STARD10: variants seen among roughly 807,000 people sequenced by gnomAD.
The protein encoded by STARD10 is StAR related lipid transfer domain containing 10, also known as START domain-containing protein 10.
A neutral mutation model predicts 36.0 loss-of-function variants in STARD10; 24 were observed. The observed-to-expected ratio is 0.67, with a 90% confidence interval of 0.48 to 0.94. The LOEUF (loss-of-function observed/expected upper bound fraction) is 0.94. Ranked by LOEUF, STARD10 falls within the 40% of genes least tolerant of loss-of-function variation. The pLI is 0.00. For missense variants in STARD10, 335 were observed against 396.6 expected (o/e 0.84, Z 1.32); for synonymous variants, 156 against 161.9 (o/e 0.96, Z 0.28).
chr11:72,763,888 T>G (rs1460438449), intron 2 of STARD10, among the ~76,000 whole-genome samples: 1 of 152,032 alleles, frequency 6.6e-6, no homozygotes, highest in Non-Finnish European at 1.5e-5. Context: ...TTATTATTCC[T>G]GCACTGAAAA....
At position 72,781,029 on chromosome 11, in the gene STARD10, C is replaced by T. The variant is rs1308413527; in HGVS notation, c.153G>A (p.Gly51=). The part of the protein sequence containing the change: ...VGWNLTYSRA[G]VSVWVQAVEM... ...CCACAGCCTGCACCCAGACAGACAC[C>T]CCAGCCCTGCTATAGGTCAGGTTCC... The change falls in exon 2 of 7, where the codon GGG becomes GGA. Residue 51 remains glycine (G), a synonymous_variant. Transcript: ENST00000334805. This position sits in a 1 kb window ranked among gnomAD's most constrained non-coding sequence, Gnocchi z 4.7. The T allele has an allele frequency of 3.1e-6, 5 of 1,614,062 alleles. No individual in the cohort carries two copies. The Admixed American group carries it at 5.0e-5, about 16-fold the overall frequency.
chr11:72,772,796 C>T (rs56351600), intron 2 of STARD10, among the ~76,000 whole-genome samples: 3,863 of 152,282 alleles, frequency 0.025, 160 homozygotes, highest in African/African-American at 0.089. Flanking sequence ...ACCTCCCTGA[C>T]CAACTCACCA....
At chr11:72,764,515 C>A (rs1446845523) in intron 2 of STARD10, among the ~76,000 whole-genome samples, 1 of 152,242 alleles carries the variant, frequency 6.6e-6, no homozygotes, top group Non-Finnish European at 1.5e-5. Flanking sequence ...GAAACTGAGG[C>A]AGGCCGGGTC....
At chr11:72,780,522 C>A (rs542094944) in intron 2 of STARD10, 153 of 370,204 alleles carry the variant, frequency 4.1e-4, no homozygotes, top group African/African-American at 3.2e-3. Flanking sequence ...GGAATCGGGT[C>A]CTGGGCAACC....
In STARD10 at chr11:72,754,828, A is replaced by G. The variant is rs767148675; in HGVS notation, c.*69T>C. 6.5e-7 allele frequency: 1 copy of G among 1,545,814 alleles called. No individual in the cohort carries two copies. The highest frequency in any genetic ancestry group is 2.4e-5 in the East Asian group (1 of 42,010). On this transcript the variant is annotated 3_prime_UTR_variant, in exon 7 of 7. Coordinates refer to ENST00000334805, the MANE Select transcript of STARD10 (RefSeq NM_006645.3). ...CCAGGTGCCGGGTGGGGGAGGGGAGAAAGTGCAGGAGCGGCCGCCGCCCCA... is the reference window on the plus strand; with the variant it reads ...CCAGGTGCCGGGTGGGGGAGGGGAGGAAGTGCAGGAGCGGCCGCCGCCCCA...
At chr11:72,776,238 A>G (rs1287772150) in intron 2 of STARD10, among the ~76,000 whole-genome samples, 1 of 152,176 alleles carries the variant, frequency 6.6e-6, no homozygotes, top group African/African-American at 2.4e-5. Context: ...AGCCTCCCCT[A>G]CGCTGGCCTA....
intron 2 of STARD10, among the ~76,000 whole-genome samples, chr11:72,772,556 T>C (rs1484715859): frequency 6.6e-6 from 1 of 152,200 alleles, no homozygotes; most frequent in African/African-American, 2.4e-5. Context: ...TGGACCCCTG[T>C]AGCCACATCC....
intron 2 of STARD10, among the ~76,000 whole-genome samples, chr11:72,777,268 G>A (rs756738191): frequency 6.6e-6 from 1 of 152,256 alleles, no homozygotes; most frequent in Non-Finnish European, 1.5e-5. Context: ...CACAGGCCAC[G>A]TCCTCTGCTG....
At position 72,781,667 on chromosome 11, in the gene STARD10, T is replaced by C. The variant is rs1428215026; in HGVS notation, c.-113-373A>G. The C allele has an allele frequency of 1.4e-5, 2 of 141,230 alleles. No homozygotes were observed. Among genetic ancestry groups the C allele is most frequent in the East Asian group, 2.4e-4 (1 of 4,196 alleles). 8.7% of individuals were successfully genotyped at this position (141,230 alleles called of 1,614,324 possible). ...CCCTCCAGGCCGGGCTGCTCACCTT[T>C]GCCCGCCGCTCCGCCGGGGCCCGCC... On this transcript the variant is annotated intron_variant, in intron 1 of 6. Coordinates refer to ENST00000334805, the MANE Select transcript of STARD10 (RefSeq NM_006645.3). This position sits in a 1 kb window ranked among gnomAD's most constrained non-coding sequence, Gnocchi z 4.7.
At chr11:72,756,465 G>A (rs999693586) in intron 5 of STARD10, among the ~76,000 whole-genome samples, 1 of 152,106 alleles carries the variant, frequency 6.6e-6, no homozygotes, top group African/African-American at 2.4e-5. Flanking sequence ...GGAACTCACT[G>A]GGGGCCCAAC....
chr11:72,754,889 T>G lies in STARD10; in HGVS notation c.*8A>C. On this transcript the variant is annotated 3_prime_UTR_variant, in exon 7 of 7. Transcript: ENST00000334805. ...GGTCCTGTCTCCGTCCCTGAAGCGGTGCGGCGCTCAGGTGAGCGAGGTGTC... is the reference window on the plus strand; with the variant it reads ...GGTCCTGTCTCCGTCCCTGAAGCGGGGCGGCGCTCAGGTGAGCGAGGTGTC... The G allele has an allele frequency of 3.1e-6, 5 of 1,595,334 alleles. No homozygotes were observed. Among genetic ancestry groups the G allele is most frequent in the Non-Finnish European group, 4.2e-6 (5 of 1,177,242 alleles).
chr11:72,777,004 G>T (rs767338862), intron 2 of STARD10, among the ~76,000 whole-genome samples: 26 of 152,182 alleles, frequency 1.7e-4, no homozygotes, highest in Middle Eastern at 3.2e-3. Context: ...GTGGCCAGCA[G>T]AGCCTCAGGC....
chr11:72,757,624 G>A (rs1858661475), intron 5 of STARD10, 143 bp downstream of exon 5: 2 of 717,110 alleles, frequency 2.8e-6, no homozygotes, highest in East Asian at 2.7e-5. Flanking sequence ...CCAAGCCTTG[G>A]TTCAAGGAAG....
chr11:72,793,748 G>T lies in STARD10; in HGVS notation c.-987C>A, dbSNP rs1053456670. On this transcript the variant is annotated 5_prime_UTR_variant, in exon 1 of 7. Transcript: ENST00000334805. ...GTTTACAGCGGCCGCGAAGCCCCGCGTTTGCGCGTGCGCTTCCCGCCCGGG... is the reference window on the plus strand; with the variant it reads ...GTTTACAGCGGCCGCGAAGCCCCGCTTTTGCGCGTGCGCTTCCCGCCCGGG... 2.0e-5 allele frequency: 3 copies of T among 152,224 alleles called. No homozygotes were observed. In the South Asian group the frequency reaches 6.2e-4, roughly 32 times the overall value. The allele number at this position is 152,224 out of a possible 1,614,324, so 9.4% of individuals were successfully genotyped here. A position where few individuals can be genotyped will look rare whatever the true frequency, so the allele number is the denominator to read the frequency against.
intron 2 of STARD10, among the ~76,000 whole-genome samples, chr11:72,768,412 A>G (rs1591266451): frequency 6.6e-6 from 1 of 151,760 alleles, no homozygotes; most frequent in Non-Finnish European, 1.5e-5. Context: ...GGCCCCCAAA[A>G]TGGAGACCAC....
intron 2 of STARD10, among the ~76,000 whole-genome samples, chr11:72,765,598 AAAT>A (rs1858776765): frequency 6.6e-6 from 1 of 152,190 alleles, no homozygotes; most frequent in Non-Finnish European, 1.5e-5. Flanking sequence ...TGAAAAATGG[AAAT>A]AATAATAGCA....
chr11:72,772,353 C>A, intron 2 of STARD10, among the ~76,000 whole-genome samples: 1 of 150,720 alleles, frequency 6.6e-6, no homozygotes, highest in East Asian at 1.9e-4. Context: ...GCACGGTTCT[C>A]CCTGTGCCTG....
At chr11:72,771,271 G>A (rs1289482259) in intron 2 of STARD10, among the ~76,000 whole-genome samples, 1 of 152,194 alleles carries the variant, frequency 6.6e-6, no homozygotes, top group Non-Finnish European at 1.5e-5. Flanking sequence ...GTCCATGCTG[G>A]GAGCTAGGGC....
chr11:72,785,740 C>T (rs1859063930), intron 1 of STARD10: 1 of 152,658 alleles, frequency 6.6e-6, no homozygotes, highest in Non-Finnish European at 1.5e-5. Flanking sequence ...TCGGTGGCCC[C>T]CAACCTGCCC....
Sources: allele counts gnomAD v4.1 joint callset (sites outside exome capture counted in the v4.1 genomes callset), GRCh38; gene constraint gnomAD v4.1.1; non-coding constraint Gnocchi (gnomAD v3.1); transcripts MANE v1.5; gene names NCBI Gene and HGNC (gene_info 2026-07-23, HGNC 2026-07-21).